Variants in PGGHG observed in about 807,000 individuals in gnomAD.
PGGHG encodes the protein ATH1, acid trehalase-like 1.
A neutral mutation model predicts 74.5 loss-of-function variants in PGGHG; 67 were observed. That is an observed-to-expected ratio of 0.90 (90% CI 0.74 to 1.10). The LOEUF is 1.10. Among genes scored for constraint, PGGHG ranks in the 50% least tolerant of loss-of-function variants. The probability of loss-of-function intolerance (pLI) is 0.00; values close to 1 mark genes in which losing one functional copy is unlikely to be tolerated. For synonymous variants in PGGHG, 496 were observed against 419.9 expected, an observed-to-expected ratio of 1.18 and a Z score of -2.21; for missense variants, 1,034 against 981.5, an observed-to-expected ratio of 1.05 and a Z score of -0.72.
rs1451049346 is a variant in PGGHG, at chr11:289,302, G to A, written c.-14+63G>A. The A allele has an allele frequency of 9.9e-5, 1 of 10,072 alleles. No individual in the cohort carries two copies. Among genetic ancestry groups the A allele is most frequent in the Admixed American group, 1.2e-3 (1 of 828 alleles). 0.6% of individuals were successfully genotyped at this position (10,072 alleles called of 1,614,324 possible). A position where few individuals can be genotyped will look rare whatever the true frequency, so the allele number is the denominator to read the frequency against. ...GCCCCGGCCCGTCCCCCCAGCCCCC[G>A]GTCGCCCCATCCTCCCTCCCCCACC... On this transcript the variant is annotated intron_variant, in intron 1 of 13. Coordinates refer to ENST00000409548, the MANE Select transcript of PGGHG (RefSeq NM_025092.5). This position sits in a 1 kb window ranked among gnomAD's most constrained non-coding sequence, Gnocchi z 5.6.
Position 293,193 on chromosome 11 carries a change from G to C in PGGHG, c.1301G>C (p.Gly434Ala), listed in dbSNP as rs140787613. Residue 434 changes from glycine to alanine, a missense_variant, in exon 8 of 14, where the codon GGG becomes GCG. Transcript: ENST00000409548. ...ATGTCCCCCGACGAGTACCATTCAG[G>C]GGTCAACAACTCTGTGTACACCAAC... is the stretch of plus-strand genomic sequence containing the variant. ...GVMSPDEYHSGVNNSVYTNVL... is the reference protein window; with the variant it reads ...GVMSPDEYHSAVNNSVYTNVL... 11 of 1,613,678 alleles carry C rather than the reference G, an allele frequency of 6.8e-6. No individual in the cohort carries two copies. The African/African-American group carries it at 1.5e-4, about 22-fold the overall frequency.
In PGGHG at chr11:290,973, C is replaced by T. The variant is rs1845701582; in HGVS notation, c.766C>T (p.Leu256=). ...GGGGCCCCTGCAGCTGCGCCAGGCC[C>T]TGCGTGGCTCCCTCTACTACCTGCT... is the stretch of plus-strand genomic sequence containing the variant. ...VVGPLQLRQA[L]RGSLYYLLSA... is the part of the protein sequence containing the mutation. The change falls in exon 4 of 14, where the codon CTG becomes TTG. Residue 256 remains leucine (L), a synonymous_variant. Transcript: ENST00000409548. The T allele has an allele frequency of 1.2e-6, 2 of 1,612,672 alleles. No individual in the cohort carries two copies. Among genetic ancestry groups the T allele is most frequent in the Admixed American group, 1.7e-5 (1 of 59,998 alleles).
In PGGHG at chr11:290,398, C is replaced by T. The variant is rs1271295817; in HGVS notation, c.268C>T (p.Leu90Phe). The T allele has an allele frequency of 1.4e-5, 21 of 1,544,830 alleles. No individual in the cohort carries two copies. Among genetic ancestry groups the T allele is most frequent in the East Asian group, 2.4e-5 (1 of 40,928 alleles). Residue 90 changes from leucine to phenylalanine, a missense_variant, in exon 3 of 14, where the codon CTT becomes TTT. Coordinates refer to ENST00000409548, the MANE Select transcript of PGGHG (RefSeq NM_025092.5). ...CGCTTCTGCCTCCCCAGGCTCCTTT[C>T]TTCACACCCTGGAGGGCCCCCGCTT... Reference protein sequence around the residue: ...FALDTNTGSFLHTLEGPRFRA... With the variant: ...FALDTNTGSFFHTLEGPRFRA...
Position 294,679 on chromosome 11 carries a change from G to A in PGGHG, c.2144G>A (p.Ser715Asn). The A allele has an allele frequency of 6.2e-7, 1 of 1,613,538 alleles. No individual in the cohort carries two copies. ...TCAGATGTTAGGGACCCGCTCCAGA[G>A]CCCCCTCTGGGTCACCCTGGGTTCC... Reference protein sequence around the residue: ...TFSDVRDPLQSPLWVTLGSSS... With the variant: ...TFSDVRDPLQNPLWVTLGSSS... The change falls in exon 14 of 14, where the codon AGC becomes AAC. Residue 715 changes from serine (S) to asparagine (N), a missense_variant. Coordinates refer to ENST00000409548, the MANE Select transcript of PGGHG (RefSeq NM_025092.5).
At chr11:292,506 C>T (rs895113759) in intron 5 of PGGHG, 40 bp from the exon 6 acceptor site, 1 of 1,603,686 alleles carries the variant, frequency 6.2e-7, no homozygotes. Context: ...CCACCGCTCC[C>T]CTCCAACAAG....
chr11:291,633 C>CGGTGCTG (rs1845723846), intron 4 of PGGHG: 2 of 297,338 alleles, frequency 6.7e-6, no homozygotes, highest in South Asian at 8.6e-5. Flanking sequence ...CTGAGCCTCC[C>CGGTGCTG]GGTGCTGCCG....
chr11:294,862 C>A lies in PGGHG; in HGVS notation c.*113C>A. The A allele has an allele frequency of 7.9e-7, 1 of 1,269,430 alleles. No individual in the cohort carries two copies. The highest frequency in any genetic ancestry group is 1.1e-6 in the Non-Finnish European group (1 of 925,690). The allele number at this position is 1,269,430 out of a possible 1,614,324, so 78.6% of individuals were successfully genotyped here. ...CATCCCTCACCTGCAGCCAGGCTCT[C>A]AGGGAAGGTCCATGCTGCTTGGCCT... On this transcript the variant is annotated 3_prime_UTR_variant, in exon 14 of 14. Coordinates refer to ENST00000409548, the MANE Select transcript of PGGHG (RefSeq NM_025092.5).
In PGGHG at chr11:290,499, G is replaced by T; in HGVS notation, c.369G>T (p.Leu123=). ...CTTTCCGAGTGTCCATCGCCCGCCT[G>T]GCCCCGGGGAGCGGGCCCATCACGC... ...VLAFRVSIAR[L]APGSGPITLL... is the part of the protein sequence containing the mutation. Residue 123 remains leucine, a synonymous_variant, in exon 3 of 14, where the codon CTG becomes CTT. Transcript: ENST00000409548. The T allele has an allele frequency of 6.5e-7, 1 of 1,550,356 alleles. No individual in the cohort carries two copies. Among genetic ancestry groups the T allele is most frequent in the Admixed American group, 2.0e-5 (1 of 51,008 alleles).
Position 289,756 on chromosome 11 carries a change from G to T in PGGHG, c.-13-48G>T. On this transcript the variant is annotated intron_variant, in intron 1 of 13. Coordinates refer to ENST00000409548, the MANE Select transcript of PGGHG (RefSeq NM_025092.5). This position sits in a 1 kb window ranked among gnomAD's most constrained non-coding sequence, Gnocchi z 5.6. Reference sequence around the variant, plus strand: ...GGGGATTACAGACGGTCTCAAGAGGGAGGCCCAGCCAGTCCCGCGGCCCCT... The same window carrying T: ...GGGGATTACAGACGGTCTCAAGAGGTAGGCCCAGCCAGTCCCGCGGCCCCT... The T allele has an allele frequency of 1.3e-6, 2 of 1,505,028 alleles. No individual in the cohort carries two copies. The highest frequency in any genetic ancestry group is 1.4e-5 in the African/African-American group (1 of 72,192). 93.2% of individuals were successfully genotyped at this position (1,505,028 alleles called of 1,614,324 possible).
intron 6 of PGGHG, 66 bp from the exon 7 acceptor site, chr11:292,818 GCA>G (rs1430804893): frequency 1.5e-5 from 24 of 1,610,444 alleles, no homozygotes; most frequent in South Asian, 3.3e-5. Context: ...TTGCTTCTGG[GCA>G]CAGACAGGCC....
rs1001747142 is a variant in PGGHG, at chr11:295,709, T to C, written c.*960T>C. 9.8e-5 allele frequency: 15 copies of C among 152,384 alleles called. No individual in the cohort carries two copies. The highest frequency in any genetic ancestry group is 2.9e-4 in the African/African-American group (12 of 41,474). The allele number at this position is 152,384 out of a possible 1,614,324, so 9.4% of individuals were successfully genotyped here. A position where few individuals can be genotyped will look rare whatever the true frequency, so the allele number is the denominator to read the frequency against. On this transcript the variant is annotated 3_prime_UTR_variant, in exon 14 of 14. Transcript: ENST00000409548. Reference sequence around the variant, plus strand: ...TCTGAGGAGCCGCTGTGCTTCCTTCTGAAGTGAGGGCCGTGCCCCGGGTCC... The same window carrying C: ...TCTGAGGAGCCGCTGTGCTTCCTTCCGAAGTGAGGGCCGTGCCCCGGGTCC...
In PGGHG at chr11:293,382, G is replaced by C; in HGVS notation, c.1360G>C (p.Ala454Pro). ...CACCTCCAGCCTGCGCTTTGCTGCT[G>C]CCCTGGCCCAGGACCTGGGTCTTCC... ...LVQNSLRFAAALAQDLGLPIP... is the reference protein window; with the variant it reads ...LVQNSLRFAAPLAQDLGLPIP... The change falls in exon 9 of 14, where the codon GCC (alanine) becomes CCC (proline). Residue 454 changes from alanine to proline, a missense_variant. Transcript: ENST00000409548. 3.7e-6 allele frequency: 6 copies of C among 1,612,306 alleles called. No individual in the cohort carries two copies. The highest frequency in any genetic ancestry group is 5.1e-6 in the Non-Finnish European group (6 of 1,179,912).
chr11:293,399 G>C lies in PGGHG; in HGVS notation c.1377G>C (p.Leu459=), dbSNP rs749284058. 3 of 1,612,602 alleles carry C rather than the reference G, an allele frequency of 1.9e-6. No homozygotes were observed. The highest frequency in any genetic ancestry group is 2.5e-6 in the Non-Finnish European group (3 of 1,179,986). The change falls in exon 9 of 14, where the codon CTG becomes CTC. Residue 459 remains leucine, a synonymous_variant. Transcript: ENST00000409548. ...TTGCTGCTGCCCTGGCCCAGGACCTGGGTCTTCCCATCCCCAGCCAGTGGC... is the reference window on the plus strand; with the variant it reads ...TTGCTGCTGCCCTGGCCCAGGACCTCGGTCTTCCCATCCCCAGCCAGTGGC... The part of the protein sequence containing the change: ...LRFAAALAQD[L]GLPIPSQWLA...
In PGGHG at chr11:290,079, G is replaced by A. The variant is rs1845671063; in HGVS notation, c.259+4G>A. The A allele has an allele frequency of 6.6e-7, 1 of 1,520,782 alleles. No individual in the cohort carries two copies. Among genetic ancestry groups the A allele is most frequent in the African/African-American group, 1.4e-5 (1 of 72,906 alleles). The allele number at this position is 1,520,782 out of a possible 1,614,324, so 94.2% of individuals were successfully genotyped here. ...TTCGCCCTGGACACCAACACAGGTAGCGCCACCTGGCCTGCCTCACCCCTG... is the reference window on the plus strand; with the variant it reads ...TTCGCCCTGGACACCAACACAGGTAACGCCACCTGGCCTGCCTCACCCCTG... On this transcript the variant is annotated splice_donor_region_variant and intron_variant, in intron 2 of 13. Coordinates refer to ENST00000409548, the MANE Select transcript of PGGHG (RefSeq NM_025092.5).
At position 293,892 on chromosome 11, in the gene PGGHG, C is replaced by T; in HGVS notation, c.1677C>T (p.Asp559=). The T allele has an allele frequency of 6.2e-7, 1 of 1,613,422 alleles. No individual in the cohort carries two copies. The highest frequency in any genetic ancestry group is 8.5e-7 in the Non-Finnish European group (1 of 1,179,926). The change falls in exon 11 of 14, where the codon GAC becomes GAT. Residue 559 remains aspartate, a synonymous_variant. Transcript: ENST00000409548. ...CAGTGCGGGCCCGGGGCCTCCTGGA[C>T]AGGAGCTTTGCCAACATGGCTGAAC... is the stretch of plus-strand genomic sequence containing the variant. The part of the protein sequence containing the change: ...KDAVRARGLL[D]RSFANMAEPF...
intron 11 of PGGHG, 59 bp downstream of exon 11, chr11:293,984 C>A: frequency 1.3e-6 from 2 of 1,594,324 alleles, no homozygotes; most frequent in Non-Finnish European, 1.7e-6. Context: ...GGAGCCCAGC[C>A]TCAGAGCAGG....
At position 293,734 on chromosome 11, in the gene PGGHG, A is replaced by G; in HGVS notation, c.1614+7A>G. The G allele has an allele frequency of 6.2e-7, 1 of 1,613,184 alleles. No homozygotes were observed. Among genetic ancestry groups the G allele is most frequent in the Non-Finnish European group, 8.5e-7 (1 of 1,179,936 alleles). ...GGGCCCCGCCATGACCTGGGTGAGC[A>G]CCCTGGGGCTGTGGAGTTCCTACCC... On this transcript the variant is annotated splice_region_variant and intron_variant, in intron 10 of 13. Transcript: ENST00000409548.
rs1190566873 is a variant in PGGHG, at chr11:293,197, C to T, written c.1305C>T (p.Val435=). The T allele has an allele frequency of 6.2e-7, 1 of 1,613,822 alleles. No homozygotes were observed. The highest frequency in any genetic ancestry group is 1.1e-5 in the South Asian group (1 of 91,082). The change falls in exon 8 of 14, where the codon GTC becomes GTT. Residue 435 remains valine (V), a synonymous_variant. Coordinates refer to ENST00000409548, the MANE Select transcript of PGGHG (RefSeq NM_025092.5). ...CCCCCGACGAGTACCATTCAGGGGT[C>T]AACAACTCTGTGTACACCAACGTCC... ...VMSPDEYHSG[V]NNSVYTNVLV...
In PGGHG at chr11:294,750, T is replaced by A. The variant is rs373754199; in HGVS notation, c.*1T>A. 3.4e-5 allele frequency: 54 copies of A among 1,588,798 alleles called. No individual in the cohort carries two copies. Among genetic ancestry groups the A allele is most frequent in the Non-Finnish European group, 4.5e-5 (52 of 1,164,716 alleles). Reference sequence around the variant, plus strand: ...CACTGTGGACCCTGCCTCTGAATAATCAGGAACGGTGGCTTCAGAGACGTC... The same window carrying A: ...CACTGTGGACCCTGCCTCTGAATAAACAGGAACGGTGGCTTCAGAGACGTC... On this transcript the variant is annotated 3_prime_UTR_variant, in exon 14 of 14. Coordinates refer to ENST00000409548, the MANE Select transcript of PGGHG (RefSeq NM_025092.5).
Sources: allele counts gnomAD v4.1 joint callset, GRCh38; gene constraint gnomAD v4.1.1; non-coding constraint Gnocchi (gnomAD v3.1); transcripts MANE v1.5; gene names NCBI Gene and HGNC (gene_info 2026-07-23, HGNC 2026-07-21).